MAP2K5: variants seen among roughly 807,000 people sequenced by gnomAD.
The protein encoded by MAP2K5 is dual specificity mitogen-activated protein kinase kinase 5.
Under a neutral mutation model 83.1 loss-of-function variants are expected in MAP2K5, and 49 were observed. That is an observed-to-expected ratio of 0.59 (90% confidence interval 0.47 to 0.75). MAP2K5 has a LOEUF of 0.75. Among genes scored for constraint, MAP2K5 ranks in the 30% least tolerant of loss-of-function variants. MAP2K5 has a pLI of 0.00. For synonymous variants in MAP2K5, 202 were observed against 191.8 expected, an observed-to-expected ratio of 1.05 and a Z score of -0.44; for missense variants, 457 against 557.5, an observed-to-expected ratio of 0.82 and a Z score of 1.82.
At chr15:67,751,847 C>T (rs768152820) in intron 19 of MAP2K5, among the ~76,000 whole-genome samples, 7 of 152,220 alleles carry the variant, frequency 4.6e-5, no homozygotes, top group Admixed American at 1.3e-4. Flanking sequence ...GAGTGTTTGG[C>T]GCTGACATTG....
At chr15:67,671,594 A>T (rs1162402683) in intron 13 of MAP2K5, among the ~76,000 whole-genome samples, 1 of 152,188 alleles carries the variant, frequency 6.6e-6, no homozygotes, top group Non-Finnish European at 1.5e-5. Flanking sequence ...ATAATTAATA[A>T]GGAATTATAA....
intron 8 of MAP2K5, among the ~76,000 whole-genome samples, chr15:67,611,089 A>G (rs1046570477): frequency 1.2e-4 from 19 of 152,238 alleles, no homozygotes; most frequent in African/African-American, 4.3e-4. Flanking sequence ...TACTGATTCT[A>G]TTACGACGGT....
chr15:67,742,355 A>G (rs1191738074), intron 17 of MAP2K5, among the ~76,000 whole-genome samples: 1 of 152,272 alleles, frequency 6.6e-6, no homozygotes, highest in Non-Finnish European at 1.5e-5. Context: ...AACATCATGT[A>G]GAGGATTTAA....
intron 15 of MAP2K5, among the ~76,000 whole-genome samples, chr15:67,697,513 T>G (rs1400825659): frequency 1.3e-5 from 2 of 152,176 alleles, no homozygotes; most frequent in Non-Finnish European, 2.9e-5. Context: ...CCCATATTAT[T>G]TATGCATCTC....
chr15:67,691,253 G>C, intron 13 of MAP2K5, among the ~76,000 whole-genome samples: 1 of 152,200 alleles, frequency 6.6e-6, no homozygotes, highest in East Asian at 1.9e-4. Context: ...CAAAGTCCTT[G>C]CCTTCATGGA....
intron 4 of MAP2K5, among the ~76,000 whole-genome samples, chr15:67,581,735 A>G (rs999899964): frequency 6.6e-5 from 10 of 152,244 alleles, no homozygotes; most frequent in Non-Finnish European, 1.3e-4. Flanking sequence ...TGAATGGCTC[A>G]ATTAACCAGT....
At chr15:67,680,381 T>G (rs570454554) in intron 13 of MAP2K5, among the ~76,000 whole-genome samples, 1 of 152,322 alleles carries the variant, frequency 6.6e-6, no homozygotes, top group Non-Finnish European at 1.5e-5. Context: ...AAATCATAGT[T>G]TATCAGGCCA....
At chr15:67,634,764 A>AT (rs1015809809) in intron 9 of MAP2K5, among the ~76,000 whole-genome samples, 38 of 147,422 alleles carry the variant, frequency 2.6e-4, no homozygotes, top group South Asian at 4.3e-4. Flanking sequence ...TTAGCATGAT[A>AT]TTTTTTTTTT....
At chr15:67,628,569 T>G (rs1377487937) in intron 8 of MAP2K5, 2 of 1,191,370 alleles carry the variant, frequency 1.7e-6, no homozygotes, top group Non-Finnish European at 2.5e-6. Context: ...TTGAAGTGAT[T>G]GAAATCATGA....
intron 16 of MAP2K5, among the ~76,000 whole-genome samples, chr15:67,706,775 CT>C (rs373183429): frequency 7.4e-4 from 112 of 152,224 alleles, no homozygotes; most frequent in African/African-American, 2.6e-3. Flanking sequence ...TGTAAGGCCC[CT>C]GGCATGTTTT....
chr15:67,690,933 C>T lies in MAP2K5; in HGVS notation c.848-1546C>T, dbSNP rs1009025139. On this transcript the variant is annotated intron_variant, in intron 13 of 21. Transcript: ENST00000178640. This position sits in a 1 kb window ranked among gnomAD's most constrained non-coding sequence, Gnocchi z 4.3. ...CATTTAAAGATGTTTTAAGTATGCT[C>T]CTACCCTGTGAACTTATTTATTTCT... Among the ~76,000 whole-genome samples the T allele has an allele frequency of 3.3e-5, 5 of 152,144 alleles. No individual in the cohort carries two copies. Among genetic ancestry groups the T allele is most frequent in the African/African-American group, 9.7e-5 (4 of 41,426 alleles).
chr15:67,602,125 G>T (rs1226573095), intron 8 of MAP2K5, among the ~76,000 whole-genome samples: 2 of 152,194 alleles, frequency 1.3e-5, no homozygotes, highest in Admixed American at 6.5e-5. Context: ...CTCTTTCCCT[G>T]GATCATACTA....
chr15:67,737,461 C>G (rs1306732475), intron 17 of MAP2K5, among the ~76,000 whole-genome samples: 1 of 152,100 alleles, frequency 6.6e-6, no homozygotes, highest in Non-Finnish European at 1.5e-5. Context: ...TGGATTAATG[C>G]GTGGGAGGTT....
chr15:67,792,925 G>A (rs1455833572), intron 21 of MAP2K5, among the ~76,000 whole-genome samples: 1 of 152,224 alleles, frequency 6.6e-6, no homozygotes, highest in African/African-American at 2.4e-5. Flanking sequence ...TGGGCAAAGT[G>A]AGAGCCTTCA....
rs138735800 is a variant in MAP2K5, at chr15:67,574,941, T to A, written c.253-5813T>A. On this transcript the variant is annotated intron_variant, in intron 3 of 21. Coordinates refer to ENST00000178640, the MANE Select transcript of MAP2K5 (RefSeq NM_145160.3). The stretch of plus-strand genomic sequence containing the variant: ...AATACGGGGGAGAAGAGAAGAGAGA[T>A]GGTTTGGATTACTTCCAGATTTCTG... Among the ~76,000 whole-genome samples the A allele has an allele frequency of 3.3e-5, 5 of 152,082 alleles. No individual in the cohort carries two copies. The East Asian group carries it at 9.7e-4, about 29-fold the overall frequency.
chr15:67,546,605 C>G (rs1233878053), intron 1 of MAP2K5: 1 of 985,544 alleles, frequency 1.0e-6, no homozygotes, highest in East Asian at 1.1e-4. Flanking sequence ...TTTGGGTCTT[C>G]TGTTTTGCAG....
chr15:67,614,388 T>C (rs2141051565), intron 8 of MAP2K5, among the ~76,000 whole-genome samples: 1 of 152,312 alleles, frequency 6.6e-6, no homozygotes, highest in South Asian at 2.1e-4. Flanking sequence ...AAGTAATTTA[T>C]TGTTAGTTTT....
At position 67,717,972 on chromosome 15, in the gene MAP2K5, G is replaced by A. The variant is rs1053498727; in HGVS notation, c.1045-9944G>A. 2.0e-5 allele frequency: 3 copies of A among 152,180 alleles called. No individual in the cohort carries two copies. The highest frequency in any genetic ancestry group is 7.2e-5 in the African/African-American group (3 of 41,438). The allele number at this position is 152,180 out of a possible 1,614,324, so 9.4% of individuals were successfully genotyped here. ...GGTCACATTCCAAAAGAGCATCTTG[G>A]GCTGTAGATTCTTTTAAGGCCATCA... On this transcript the variant is annotated intron_variant, in intron 16 of 21. Transcript: ENST00000178640. This position sits in a 1 kb window ranked among gnomAD's most constrained non-coding sequence, Gnocchi z 4.1.
intron 16 of MAP2K5, among the ~76,000 whole-genome samples, chr15:67,712,124 G>A (rs778055959): frequency 6.6e-6 from 1 of 152,190 alleles, no homozygotes; most frequent in Non-Finnish European, 1.5e-5. Flanking sequence ...ACGTTCAGAG[G>A]CATTAAGTGA....
Sources: allele counts gnomAD v4.1 joint callset (sites outside exome capture counted in the v4.1 genomes callset), GRCh38; gene constraint gnomAD v4.1.1; non-coding constraint Gnocchi (gnomAD v3.1); transcripts MANE v1.5; gene names NCBI Gene and HGNC (gene_info 2026-07-23, HGNC 2026-07-21).